Variants in DCDC1 observed in about 807,000 individuals in gnomAD.
DCDC1 encodes the protein doublecortin domain-containing protein 1.
In DCDC1, 200 loss-of-function variants were observed where a neutral mutation model predicts 178.3. The ratio of observed to expected loss-of-function variants is 1.12; its 90% CI spans 1.00 to 1.26. The LOEUF is 1.26. Among genes scored for constraint, DCDC1 ranks in the 50% most tolerant of loss-of-function variants. The probability of loss-of-function intolerance (pLI) is 0.00; values close to 1 mark genes in which losing one functional copy is unlikely to be tolerated. For missense variants in DCDC1, 1,983 were observed against 1,749.2 expected, an observed-to-expected ratio of 1.13 and a Z score of -2.38; for synonymous variants, 690 against 604.8, an observed-to-expected ratio of 1.14 and a Z score of -2.07.
rs1364210112 is a variant in DCDC1, at chr11:31,294,620, G to A, written c.755-3768C>T. Among the ~76,000 whole-genome samples the A allele has an allele frequency of 5.7e-3, 72 of 12,566 alleles. 6 individuals carry two copies. Among genetic ancestry groups the A allele is most frequent in the African/African-American group, 0.02 (69 of 3,424 alleles). 8.2% of individuals were successfully genotyped at this position (12,566 alleles called of 152,430 possible). A position where few individuals can be genotyped will look rare whatever the true frequency, so the allele number is the denominator to read the frequency against. ...GATGGGGAGGGGAGGGGAGGGGAGG[G>A]GAGGGGAGGGAGGGAAGGGGAGGGG... On this transcript the variant is annotated intron_variant, in intron 6 of 38. Transcript: ENST00000684477.
chr11:31,214,345 T>G (rs1973259960), intron 9 of DCDC1, among the ~76,000 whole-genome samples: 2 of 152,204 alleles, frequency 1.3e-5, no homozygotes, highest in African/African-American at 4.8e-5. Flanking sequence ...TGAACAACAA[T>G]TTTTTGAAAA....
At chr11:31,202,515 G>T (rs1971410692) in intron 9 of DCDC1, among the ~76,000 whole-genome samples, 1 of 152,150 alleles carries the variant, frequency 6.6e-6, no homozygotes, top group Admixed American at 6.5e-5. Flanking sequence ...AGGTTGCAGT[G>T]AGCCAAGATT....
At chr11:31,106,650 C>CAG (rs1958869152) in intron 13 of DCDC1, 147 bp downstream of exon 13, 1 of 631,822 alleles carries the variant, frequency 1.6e-6, no homozygotes, top group Non-Finnish European at 2.8e-6. Flanking sequence ...ACCAACAATA[C>CAG]TGCCTTGCAA....
At chr11:31,330,380 A>G (rs1036576598) in intron 2 of DCDC1, among the ~76,000 whole-genome samples, 10 of 152,224 alleles carry the variant, frequency 6.6e-5, no homozygotes, top group Admixed American at 4.6e-4. Flanking sequence ...TTCTTTTGCT[A>G]TGCAGAAGCT....
At chr11:31,251,568 T>C (rs2136988452) in intron 8 of DCDC1, among the ~76,000 whole-genome samples, 1 of 151,802 alleles carries the variant, frequency 6.6e-6, no homozygotes, top group Non-Finnish European at 1.5e-5. Flanking sequence ...GCTTCCATAA[T>C]CACGTGAACC....
intron 9 of DCDC1, among the ~76,000 whole-genome samples, chr11:31,174,827 G>C (rs1967773972): frequency 6.6e-6 from 1 of 152,150 alleles, no homozygotes; most frequent in South Asian, 2.1e-4. Context: ...CCTGGCTGTG[G>C]AGAGGAGCTA....
intron 20 of DCDC1, among the ~76,000 whole-genome samples, chr11:30,970,562 C>T (rs1051113074): frequency 3.3e-5 from 5 of 152,182 alleles, no homozygotes; most frequent in African/African-American, 1.2e-4. Flanking sequence ...AAGGCCAAAG[C>T]ATGAGCCATT....
At chr11:31,018,905 A>G (rs892803896) in intron 20 of DCDC1, among the ~76,000 whole-genome samples, 3 of 152,174 alleles carry the variant, frequency 2.0e-5, no homozygotes, top group African/African-American at 7.2e-5. Context: ...ACTGCAACCA[A>G]GAAAGGCCAT....
At chr11:31,178,772 A>G (rs1014336940) in intron 9 of DCDC1, among the ~76,000 whole-genome samples, 1 of 152,104 alleles carries the variant, frequency 6.6e-6, no homozygotes, top group African/African-American at 2.4e-5. Context: ...AGCTCACCAC[A>G]ACCTCTACCT....
At chr11:31,275,716 CTGGT>C in intron 7 of DCDC1, among the ~76,000 whole-genome samples, 1 of 152,150 alleles carries the variant, frequency 6.6e-6, no homozygotes, top group Non-Finnish European at 1.5e-5. Flanking sequence ...GTTGGTCAGG[CTGGT>C]CTTGAACTCT....
chr11:31,232,654 G>C (rs1297944467), intron 9 of DCDC1, among the ~76,000 whole-genome samples: 3 of 152,082 alleles, frequency 2.0e-5, no homozygotes, highest in Non-Finnish European at 4.4e-5. Context: ...ATGAAGATAG[G>C]CTTTAGTGCC....
intron 1 of DCDC1, among the ~76,000 whole-genome samples, chr11:31,337,604 G>A (rs1051869997): frequency 3.3e-5 from 5 of 152,162 alleles, no homozygotes; most frequent in Non-Finnish European, 7.3e-5. Context: ...GATTGAGGCT[G>A]CAGTGAGCCA....
intron 21 of DCDC1, among the ~76,000 whole-genome samples, chr11:30,935,205 T>C (rs1947197757): frequency 6.6e-6 from 1 of 152,206 alleles, no homozygotes; most frequent in Non-Finnish European, 1.5e-5. Context: ...AATTCAGAGT[T>C]ACTTACCCTA....
At chr11:31,197,846 G>A (rs1970861506) in intron 9 of DCDC1, among the ~76,000 whole-genome samples, 1 of 151,984 alleles carries the variant, frequency 6.6e-6, no homozygotes, top group Admixed American at 6.6e-5. Flanking sequence ...AGAGTATGGA[G>A]TTCAATAATG....
At chr11:30,920,545 A>G (rs1946174783) in intron 25 of DCDC1, among the ~76,000 whole-genome samples, 1 of 152,196 alleles carries the variant, frequency 6.6e-6, no homozygotes. Context: ...AGCCTCTTAA[A>G]AATAATAACA....
At chr11:31,213,406 C>CT (rs997522893) in intron 9 of DCDC1, among the ~76,000 whole-genome samples, 6 of 151,786 alleles carry the variant, frequency 4.0e-5, no homozygotes, top group African/African-American at 1.5e-4. Flanking sequence ...ATCCCCAAAG[C>CT]TTAACACAGG....
intron 20 of DCDC1, among the ~76,000 whole-genome samples, chr11:30,994,819 T>C (rs1951169227): frequency 4.0e-5 from 6 of 148,422 alleles, no homozygotes; most frequent in African/African-American, 1.5e-4. Context: ...GCTGACATCA[T>C]ACTCAATGGT....
chr11:30,863,622 T>C lies in DCDC1; in HGVS notation c.*1751A>G, dbSNP rs890324317. On this transcript the variant is annotated 3_prime_UTR_variant, in exon 39 of 39. Coordinates refer to ENST00000684477, the MANE Select transcript of DCDC1 (RefSeq NM_001387274.1). ...CACACATGCTAATAAATCTACATGG[T>C]TTATTGTTTTTGAATAAAACAAAAT... 7 of 152,254 alleles carry C rather than the reference T, an allele frequency of 4.6e-5. No individual in the cohort carries two copies. Among genetic ancestry groups the C allele is most frequent in the African/African-American group, 1.4e-4 (6 of 41,468 alleles). 9.4% of individuals were successfully genotyped at this position (152,254 alleles called of 1,614,324 possible). A position where few individuals can be genotyped will look rare whatever the true frequency, so the allele number is the denominator to read the frequency against.
intron 9 of DCDC1, among the ~76,000 whole-genome samples, chr11:31,161,060 CCT>C (rs1966278143): frequency 6.6e-6 from 1 of 151,912 alleles, no homozygotes; most frequent in African/African-American, 2.4e-5. Flanking sequence ...AAAATCTTTC[CCT>C]CTTTCTTAGC....
Sources: allele counts gnomAD v4.1 joint callset (sites outside exome capture counted in the v4.1 genomes callset), GRCh38; gene constraint gnomAD v4.1.1; transcripts MANE v1.5; gene names NCBI Gene and HGNC (gene_info 2026-07-23, HGNC 2026-07-21).